PARVA: variants seen among roughly 807,000 people sequenced by gnomAD.
PARVA encodes parvin alpha, also known as alpha-parvin.
In PARVA, 25 loss-of-function variants were observed where a neutral mutation model predicts 52.6. The observed-to-expected ratio is 0.48, with a 90% CI of 0.35 to 0.66. The LOEUF (loss-of-function observed/expected upper bound fraction) is 0.66, where lower values mean the gene tolerates loss of function less well. Ranked by LOEUF, PARVA falls within the 30% of genes least tolerant of loss-of-function variation. PARVA has a pLI of 0.01. For missense variants in PARVA, 373 were observed against 450.9 expected, an observed-to-expected ratio of 0.83 and a Z score of 1.56; for synonymous variants, 185 against 179.1, an observed-to-expected ratio of 1.03 and a Z score of -0.26.
At chr11:12,470,518 C>T (rs1195865430) in intron 1 of PARVA, among the ~76,000 whole-genome samples, 3 of 152,166 alleles carry the variant, frequency 2.0e-5, no homozygotes, top group East Asian at 1.9e-4. Context: ...TGGATATGAA[C>T]GTAGGCAGCT....
intron 8 of PARVA, among the ~76,000 whole-genome samples, chr11:12,512,758 T>C (rs1200014767): frequency 3.9e-5 from 6 of 152,196 alleles, no homozygotes; most frequent in Admixed American, 3.9e-4. Context: ...AATGACATTT[T>C]ATAGAAGAGG....
chr11:12,416,247 G>A (rs545421191), intron 1 of PARVA, among the ~76,000 whole-genome samples: 1 of 152,256 alleles, frequency 6.6e-6, no homozygotes, highest in East Asian at 1.9e-4. Flanking sequence ...TTATTAATTC[G>A]AGGCAACGTT....
chr11:12,389,449 C>T (rs915718512), intron 1 of PARVA, among the ~76,000 whole-genome samples: 1 of 152,178 alleles, frequency 6.6e-6, no homozygotes, highest in African/African-American at 2.4e-5. Flanking sequence ...CTCTTGCACA[C>T]TTTTCTCCCC....
At chr11:12,464,008 C>T (rs1475004403) in intron 1 of PARVA, among the ~76,000 whole-genome samples, 44 of 129,374 alleles carry the variant, frequency 3.4e-4, no homozygotes, top group African/African-American at 1.3e-3. Context: ...GTACTTCCTT[C>T]CTTTCTGGCT....
intron 10 of PARVA, among the ~76,000 whole-genome samples, chr11:12,517,303 A>ACCCCCCCCCCCCCCCCCCCCCCCCCCC (rs1564869136): frequency 8.9e-6 from 1 of 112,484 alleles, no homozygotes; most frequent in Admixed American, 9.2e-5. Context: ...AGCCACACTG[A>ACCCCCCCCCCCCCCCCCCCCCCCCCCC]CCACCCCCCA....
At chr11:12,381,710 G>T (rs981332472) in intron 1 of PARVA, among the ~76,000 whole-genome samples, 2 of 152,112 alleles carry the variant, frequency 1.3e-5, no homozygotes, top group African/African-American at 2.4e-5. Flanking sequence ...CTGGAGAAAA[G>T]AAAATGTTAT....
intron 1 of PARVA, among the ~76,000 whole-genome samples, chr11:12,411,928 C>A (rs1207234543): frequency 6.6e-6 from 1 of 152,196 alleles, no homozygotes; most frequent in African/African-American, 2.4e-5. Context: ...AGCTTCTCAG[C>A]ATTCCCCTAA....
At chr11:12,509,428 G>A (rs1051652597) in intron 7 of PARVA, among the ~76,000 whole-genome samples, 1 of 152,142 alleles carries the variant, frequency 6.6e-6, no homozygotes, top group African/African-American at 2.4e-5. Flanking sequence ...CAGAGAGGTA[G>A]GAAAGATTTA....
At chr11:12,513,405 A>G (rs779597160) in intron 9 of PARVA, 45 bp downstream of exon 9, 5 of 1,549,348 alleles carry the variant, frequency 3.2e-6, no homozygotes, top group Admixed American at 1.7e-5. Context: ...GCGAGATGCA[A>G]CAGAACATTG....
chr11:12,481,194 G>C (rs1941081639), intron 4 of PARVA, among the ~76,000 whole-genome samples: 1 of 152,130 alleles, frequency 6.6e-6, no homozygotes, highest in African/African-American at 2.4e-5. Context: ...TCTTATGGTA[G>C]TGTTCTAGCA....
At chr11:12,431,292 C>T (rs1359178630) in intron 1 of PARVA, among the ~76,000 whole-genome samples, 1 of 152,206 alleles carries the variant, frequency 6.6e-6, no homozygotes. Context: ...CTGGATGTTA[C>T]GCATTGTTAC....
At chr11:12,410,536 A>G (rs970166997) in intron 1 of PARVA, among the ~76,000 whole-genome samples, 9 of 152,194 alleles carry the variant, frequency 5.9e-5, no homozygotes, top group Non-Finnish European at 8.8e-5. Flanking sequence ...TTGCTATACG[A>G]GGGCTTTTGC....
intron 12 of PARVA, among the ~76,000 whole-genome samples, chr11:12,522,548 A>G (rs551925572): frequency 2.6e-4 from 40 of 151,328 alleles, no homozygotes; most frequent in Non-Finnish European, 1.2e-4. Flanking sequence ...CCTCCCAAGT[A>G]GCTGGGATTA....
chr11:12,477,918 G>A lies in PARVA; in HGVS notation c.369G>A (p.Leu123=), dbSNP rs1238918687. 6.2e-7 allele frequency: 1 copy of A among 1,609,764 alleles called. No homozygotes were observed. The highest frequency in any genetic ancestry group is 8.5e-7 in the Non-Finnish European group (1 of 1,176,036). Residue 123 remains leucine, a synonymous_variant, in exon 4 of 13, where the codon TTG becomes TTA. Transcript: ENST00000334956. Reference sequence around the variant, plus strand: ...TTGTGAAAGACCTAGCTGAAGATTTGTATGATGGACAAGTCCTGCAGAAGC... The same window carrying A: ...TTGTGAAAGACCTAGCTGAAGATTTATATGATGGACAAGTCCTGCAGAAGC... ...RIIVKDLAED[L]YDGQVLQKLF... is the part of the protein sequence containing the mutation.
chr11:12,473,851 C>T lies in PARVA; in HGVS notation c.226+17C>T, dbSNP rs751172578. 6.4e-7 allele frequency: 1 copy of T among 1,564,922 alleles called. No homozygotes were observed. Among genetic ancestry groups the T allele is most frequent in the East Asian group, 2.4e-5 (1 of 42,010 alleles). On this transcript the variant is annotated intron_variant, in intron 2 of 12. Coordinates refer to ENST00000334956, the MANE Select transcript of PARVA (RefSeq NM_018222.5). ...CGATGCTGGGTAACTGTGCTCTTGT[C>T]TCTGAATTCGCTTAAGCTTTCCCAT...
At chr11:12,481,089 T>C (rs1941080441) in intron 4 of PARVA, among the ~76,000 whole-genome samples, 1 of 152,108 alleles carries the variant, frequency 6.6e-6, no homozygotes, top group Non-Finnish European at 1.5e-5. Context: ...TTTTTTTAAG[T>C]GGGGAGAGAT....
intron 4 of PARVA, among the ~76,000 whole-genome samples, chr11:12,492,998 A>G (rs1355855488): frequency 2.0e-5 from 3 of 152,208 alleles, no homozygotes; most frequent in Non-Finnish European, 4.4e-5. Flanking sequence ...CTTATGATAT[A>G]TATATGAGTG....
Position 12,531,505 on chromosome 11 carries a change from A to G in PARVA, c.*3580A>G, listed in dbSNP as rs1941772259. 1.3e-5 allele frequency among the ~76,000 whole-genome samples: 2 copies of G among 152,118 alleles called. No individual in the cohort carries two copies. Among genetic ancestry groups the G allele is most frequent in the Non-Finnish European group, 2.9e-5 (2 of 68,028 alleles). On this transcript the variant is annotated 3_prime_UTR_variant, in exon 13 of 13. Transcript: ENST00000334956. ...CATAGTCCAGTGCTAGAACAAATGT[A>G]TACATAATCCACTCCCCACAAATTA...
intron 1 of PARVA, among the ~76,000 whole-genome samples, chr11:12,422,451 C>T (rs1167780842): frequency 6.6e-6 from 1 of 152,182 alleles, no homozygotes; most frequent in Non-Finnish European, 1.5e-5. Flanking sequence ...ATGTACAATG[C>T]CCCTGGCAGT....
Sources: gnomAD v4.1 joint callset for allele counts (sites outside exome capture counted in the v4.1 genomes callset) on GRCh38, gnomAD v4.1.1 for gene constraint, MANE v1.5 for transcripts, NCBI Gene and HGNC (gene_info 2026-07-23, HGNC 2026-07-21) for gene names.